CCDC63: variants seen among roughly 807,000 people sequenced by gnomAD.
CCDC63 encodes the protein coiled-coil domain containing 63.
A neutral mutation model predicts 63.6 loss-of-function variants in CCDC63; 54 were observed. The observed-to-expected ratio is 0.85, with a 90% CI of 0.68 to 1.07. The LOEUF (loss-of-function observed/expected upper bound fraction) is 1.07. CCDC63 is among the 50% of genes least tolerant of loss of function. The probability of loss-of-function intolerance (pLI) is 0.00; values close to 1 mark genes in which losing one functional copy is unlikely to be tolerated. For synonymous variants in CCDC63, 253 were observed against 266.1 expected (o/e 0.95, Z 0.48); for missense variants, 637 against 689.6 (o/e 0.92, Z 0.86).
chr12:110,866,915 C>T (rs1371817241), intron 4 of CCDC63, among the ~76,000 whole-genome samples: 6 of 149,830 alleles, frequency 4.0e-5, no homozygotes, highest in Admixed American at 2.0e-4. Flanking sequence ...GCGCCCCTCA[C>T]CTCCGGGACG....
chr12:110,866,470 C>T (rs558106016), intron 4 of CCDC63, among the ~76,000 whole-genome samples: 1 of 144,676 alleles, frequency 6.9e-6, no homozygotes, highest in East Asian at 2.0e-4. Context: ...CTGCGGCCTT[C>T]CGCAGTGTTT....
intron 7 of CCDC63, 139 bp from the exon 8 acceptor site, chr12:110,883,891 C>T (rs765533475): frequency 2.8e-4 from 200 of 709,054 alleles, no homozygotes; most frequent in Non-Finnish European, 3.9e-4. Context: ...CTGCCTGCCT[C>T]GGCTTCCCAA....
At chr12:110,904,537 C>T (rs932790652) in intron 10 of CCDC63, 51 bp from the exon 11 acceptor site, 12 of 1,562,978 alleles carry the variant, frequency 7.7e-6, no homozygotes, top group Admixed American at 3.3e-5. Context: ...CACAGTGCCC[C>T]CAGGCCCAGG....
chr12:110,855,186 A>G (rs1166918673), intron 3 of CCDC63, among the ~76,000 whole-genome samples: 1 of 152,226 alleles, frequency 6.6e-6, no homozygotes, highest in Admixed American at 6.5e-5. Context: ...TAAAAGGTAC[A>G]CTTTCTCAAG....
At chr12:110,849,927 A>T (rs2070685423) in intron 1 of CCDC63, among the ~76,000 whole-genome samples, 1 of 152,220 alleles carries the variant, frequency 6.6e-6, no homozygotes, top group East Asian at 1.9e-4. Context: ...CATGATTAGC[A>T]GGAAACAATC....
chr12:110,880,490 T>C (rs2071185682), intron 6 of CCDC63, among the ~76,000 whole-genome samples: 1 of 151,988 alleles, frequency 6.6e-6, no homozygotes, highest in Non-Finnish European at 1.5e-5. Context: ...TTCACACTCA[T>C]AGGAGCAAAA....
chr12:110,882,355 T>C (rs1438772154), intron 7 of CCDC63, among the ~76,000 whole-genome samples: 1 of 151,200 alleles, frequency 6.6e-6, no homozygotes, highest in Non-Finnish European at 1.5e-5. Flanking sequence ...CTACAATGAA[T>C]AAAAAAAAAT....
chr12:110,881,031 C>T, intron 6 of CCDC63, 84 bp from the exon 7 acceptor site: 1 of 1,235,636 alleles, frequency 8.1e-7, no homozygotes, highest in Admixed American at 2.8e-5. Context: ...ATTCTCTAGG[C>T]AGGAAGGCCT....
chr12:110,893,051 C>T lies in CCDC63; in HGVS notation c.1075-25C>T, dbSNP rs773028527. On this transcript the variant is annotated intron_variant, in intron 8 of 11. Transcript: ENST00000308208. ...GGGGAGGGAAGAGCCCACTTTTCCT[C>T]ATGGTCTTGTTCTCTCCCGAGCAGG... is the stretch of plus-strand genomic sequence containing the variant. 19 of 1,608,502 alleles carry T rather than the reference C, an allele frequency of 1.2e-5. No individual in the cohort carries two copies. In the South Asian group the frequency reaches 1.9e-4, roughly 16 times the overall value.
intron 5 of CCDC63, among the ~76,000 whole-genome samples, chr12:110,878,257 T>C (rs2071157252): frequency 6.6e-6 from 1 of 152,192 alleles, no homozygotes; most frequent in Non-Finnish European, 1.5e-5. Flanking sequence ...TATACATACA[T>C]ATACACATAC....
chr12:110,867,769 C>A (rs2136672203), intron 4 of CCDC63, among the ~76,000 whole-genome samples: 1 of 145,392 alleles, frequency 6.9e-6, no homozygotes, highest in East Asian at 2.0e-4. Context: ...CCCCATCTCC[C>A]TCCCGGACGG....
intron 4 of CCDC63, among the ~76,000 whole-genome samples, chr12:110,867,627 T>C (rs1593656598): frequency 8.3e-6 from 1 of 120,904 alleles, no homozygotes; most frequent in African/African-American, 3.3e-5. Flanking sequence ...GCAGAGGGGC[T>C]CCTCACTTCC....
rs887897246 is a variant in CCDC63 at position 110,889,501 on chromosome 12, A to C, written c.1075-3575A>C. 3.5e-4 allele frequency among the ~76,000 whole-genome samples: 53 copies of C among 152,262 alleles called. No individual in the cohort carries two copies. The highest frequency in any genetic ancestry group is 1.1e-3 in the Admixed American group (17 of 15,288). ...TGAGCTGTCCAGATCTCTGGGGAAG[A>C]ACGCTCCAGGCAGAGGAAACAGCAA... On this transcript the variant is annotated intron_variant, in intron 8 of 11. Coordinates refer to ENST00000308208, the MANE Select transcript of CCDC63 (RefSeq NM_152591.3). The surrounding 1 kb of genome is among the most constrained non-coding windows in gnomAD (Gnocchi z 4.1).
At chr12:110,876,485 T>C (rs11612727) in intron 5 of CCDC63, among the ~76,000 whole-genome samples, 46,095 of 151,978 alleles carry the variant, frequency 0.3, 7,226 homozygotes, top group African/African-American at 0.38. Flanking sequence ...GAGGCTCTTC[T>C]GCTCAGGCTT....
intron 1 of CCDC63, among the ~76,000 whole-genome samples, chr12:110,849,672 T>C (rs1040738528): frequency 3.3e-5 from 5 of 152,048 alleles, no homozygotes; most frequent in Non-Finnish European, 7.4e-5. Context: ...CTAATTTTTG[T>C]ATTTTTAGTA....
chr12:110,867,161 G>A (rs1566121742), intron 4 of CCDC63, among the ~76,000 whole-genome samples: 2 of 142,652 alleles, frequency 1.4e-5, no homozygotes, highest in Non-Finnish European at 3.1e-5. Context: ...GGGGGCGGCT[G>A]GCCGGGCGGG....
chr12:110,887,025 C>T (rs1482629048), intron 8 of CCDC63, among the ~76,000 whole-genome samples: 2 of 152,190 alleles, frequency 1.3e-5, no homozygotes, highest in Non-Finnish European at 2.9e-5. Flanking sequence ...TAGAATGGCA[C>T]ACACACTTGG....
At chr12:110,857,725 C>T (rs945017160) in intron 3 of CCDC63, among the ~76,000 whole-genome samples, 2 of 152,128 alleles carry the variant, frequency 1.3e-5, no homozygotes, top group Admixed American at 6.6e-5. Flanking sequence ...TCCCACATCC[C>T]GGTAGACATT....
intron 2 of CCDC63, 63 bp from the exon 3 acceptor site, chr12:110,853,342 A>G: frequency 6.6e-7 from 1 of 1,525,078 alleles, no homozygotes; most frequent in Non-Finnish European, 8.9e-7. Flanking sequence ...TCTTAAGCCC[A>G]TCTGTGGGCT....
Sources: allele counts gnomAD v4.1 joint callset (sites outside exome capture counted in the v4.1 genomes callset), GRCh38; gene constraint gnomAD v4.1.1; non-coding constraint Gnocchi (gnomAD v3.1); transcripts MANE v1.5; gene names NCBI Gene and HGNC (gene_info 2026-07-23, HGNC 2026-07-21).